The following KCNMA1 variants were observed in gnomAD, a reference collection of about 807,000 sequenced individuals.
The protein encoded by KCNMA1 is Calcium-activated potassium channel subunit alpha-1.
KCNMA1 carries 29 observed loss-of-function variants against 140.0 expected under a neutral mutation model. The ratio of observed to expected loss-of-function variants is 0.21; its 90% CI spans 0.15 to 0.28. The LOEUF is 0.28. Ranked by LOEUF, KCNMA1 falls within the 10% of genes least tolerant of loss-of-function variation. The pLI, the probability that KCNMA1 is intolerant of heterozygous loss-of-function variation, is 1.00. For missense variants in KCNMA1, 880 were observed against 1,602.2 expected, an observed-to-expected ratio of 0.55 and a Z score of 7.70; for synonymous variants, 612 against 611.9, an observed-to-expected ratio of 1.00 and a Z score of 0.00.
rs1442627051 is a variant in KCNMA1, at chr10:77,041,456, G to A, written c.1750-1819C>T. 4.6e-3 allele frequency among the ~76,000 whole-genome samples: 4 copies of A among 872 alleles called. 2 individuals carry two copies. In the South Asian group the frequency reaches 0.056, roughly 12 times the overall value. 0.6% of individuals were successfully genotyped at this position (872 alleles called of 152,430 possible). ...TGGGATTACAGGCGTGAGCCACCGC[G>A]CCCGGCCCTAATTCTTGTATTTTTG... On this transcript the variant is annotated intron_variant, in intron 14 of 27. Coordinates refer to ENST00000286628, the MANE Select transcript of KCNMA1 (RefSeq NM_001161352.2).
In KCNMA1 at chr10:77,110,979, A is replaced by C. The variant is rs529023663; in HGVS notation, c.961-636T>G. Among the ~76,000 whole-genome samples the C allele has an allele frequency of 5.9e-3, 901 of 152,342 alleles. 7 individuals carry two copies. The highest frequency in any genetic ancestry group is 8.7e-3 in the Non-Finnish European group (592 of 68,030). On this transcript the variant is annotated intron_variant, in intron 7 of 27. Coordinates refer to ENST00000286628, the MANE Select transcript of KCNMA1 (RefSeq NM_001161352.2). ...GCATGGAAAGTGAGCTCATGAGAAC[A>C]GCTTGCACTGGCACAGCCCGTTAGA...
intron 1 of KCNMA1, among the ~76,000 whole-genome samples, chr10:77,442,777 C>G (rs1312396729): frequency 6.6e-6 from 1 of 152,118 alleles, no homozygotes; most frequent in Non-Finnish European, 1.5e-5. Context: ...CTCCACGCTC[C>G]CCTCCTCCTC....
chr10:77,268,916 C>T (rs151233908), intron 2 of KCNMA1, among the ~76,000 whole-genome samples: 1,839 of 152,238 alleles, frequency 0.012, 15 homozygotes, highest in South Asian at 0.034. Flanking sequence ...CTCCAGGAGA[C>T]GCTGCACCAA....
intron 27 of KCNMA1, among the ~76,000 whole-genome samples, chr10:76,889,010 G>A (rs2151777433): frequency 6.6e-6 from 1 of 152,250 alleles, no homozygotes; most frequent in East Asian, 1.9e-4. Context: ...AGTGAGCCAA[G>A]ATTGTGCCAC....
chr10:77,359,008 G>A (rs1042641163), intron 2 of KCNMA1, among the ~76,000 whole-genome samples: 1 of 152,134 alleles, frequency 6.6e-6, no homozygotes, highest in African/African-American at 2.4e-5. Flanking sequence ...CATGTTTTGT[G>A]CATGTGCCCA....
chr10:77,296,330 CAG>C (rs1248511597), intron 2 of KCNMA1, among the ~76,000 whole-genome samples: 1 of 152,154 alleles, frequency 6.6e-6, no homozygotes, highest in Non-Finnish European at 1.5e-5. Context: ...GGAAAGGAAG[CAG>C]AGTCTTCCCA....
At chr10:77,159,326 A>C (rs773227507) in intron 5 of KCNMA1, among the ~76,000 whole-genome samples, 1 of 152,016 alleles carries the variant, frequency 6.6e-6, no homozygotes, top group Admixed American at 6.5e-5. Context: ...TTTCTTCCCT[A>C]TAGTATCGTT....
At chr10:77,405,401 T>C (rs989310430) in intron 1 of KCNMA1, among the ~76,000 whole-genome samples, 8 of 152,174 alleles carry the variant, frequency 5.3e-5, no homozygotes, top group South Asian at 2.1e-4. Flanking sequence ...TGGGACAGAG[T>C]TGGCTCAATA....
chr10:76,876,613 T>A (rs2032428968), downstream of KCNMA1: 1 of 152,296 alleles, frequency 6.6e-6, no homozygotes, highest in African/African-American at 2.4e-5. Flanking sequence ...TTTAAATTGT[T>A]GTAACAAGTT....
At chr10:77,522,822 A>C (rs1234312413) in intron 1 of KCNMA1, among the ~76,000 whole-genome samples, 1 of 152,246 alleles carries the variant, frequency 6.6e-6, no homozygotes, top group African/African-American at 2.4e-5. Context: ...AGAACTGCTA[A>C]CACAGAGACC....
At chr10:77,166,661 A>T (rs1422339737) in intron 5 of KCNMA1, among the ~76,000 whole-genome samples, 1 of 151,812 alleles carries the variant, frequency 6.6e-6, no homozygotes, top group Non-Finnish European at 1.5e-5. Context: ...GAGGAAGAGG[A>T]TGAAGAGGAA....
chr10:77,355,630 C>T (rs80007535), intron 2 of KCNMA1, among the ~76,000 whole-genome samples: 3,898 of 152,218 alleles, frequency 0.026, 156 homozygotes, highest in African/African-American at 0.089. Context: ...TAAGACAGAA[C>T]GGAGAGATGG....
chr10:77,362,986 C>T (rs2094101388), intron 2 of KCNMA1, among the ~76,000 whole-genome samples: 1 of 152,208 alleles, frequency 6.6e-6, no homozygotes, highest in African/African-American at 2.4e-5. Context: ...GCTTAGCTTG[C>T]GCCGTCTCCC....
At chr10:77,600,617 A>G (rs537512640) in intron 1 of KCNMA1, among the ~76,000 whole-genome samples, 3 of 152,136 alleles carry the variant, frequency 2.0e-5, no homozygotes, top group Non-Finnish European at 2.9e-5. Flanking sequence ...GCTTGGTGGC[A>G]CATGCCTGTA....
intron 2 of KCNMA1, among the ~76,000 whole-genome samples, chr10:77,284,199 T>C (rs149905163): frequency 8.3e-4 from 126 of 152,178 alleles, no homozygotes; most frequent in African/African-American, 2.8e-3. Context: ...GACTGGGTGA[T>C]AGGCATGACC....
intron 1 of KCNMA1, among the ~76,000 whole-genome samples, chr10:77,600,200 T>C (rs999136095): frequency 2.0e-5 from 3 of 152,220 alleles, no homozygotes; most frequent in Admixed American, 6.5e-5. Flanking sequence ...AGCTCCCTGC[T>C]ACCAAAGATG....
At chr10:76,977,783 C>T (rs1433083332) in intron 19 of KCNMA1, 20 of 603,670 alleles carry the variant, frequency 3.3e-5, no homozygotes, top group Non-Finnish European at 5.3e-5. Context: ...CTGGTCCGCT[C>T]GTGTTTGAGG....
intron 2 of KCNMA1, among the ~76,000 whole-genome samples, chr10:77,352,138 G>A (rs753825622): frequency 4.6e-5 from 7 of 152,196 alleles, no homozygotes; most frequent in South Asian, 2.1e-4. Flanking sequence ...TGTGCTGTCC[G>A]CGTGCAGGGT....
intron 1 of KCNMA1, among the ~76,000 whole-genome samples, chr10:77,576,083 T>C (rs1428473992): frequency 6.6e-6 from 1 of 152,222 alleles, no homozygotes; most frequent in Non-Finnish European, 1.5e-5. Context: ...CTCCTCAGTC[T>C]TCTGTGTGCA....
Sources: gnomAD v4.1 joint callset for allele counts (sites outside exome capture counted in the v4.1 genomes callset) on GRCh38, gnomAD v4.1.1 for gene constraint, MANE v1.5 for transcripts, NCBI Gene and HGNC (gene_info 2026-07-23, HGNC 2026-07-21) for gene names.